Variants in ANKH observed in about 807,000 individuals in gnomAD.
The protein encoded by ANKH is ANKH inorganic pyrophosphate transport regulator, also known as mineralization regulator ANKH.
In ANKH, 15 loss-of-function variants were observed where a neutral mutation model predicts 49.0. The ratio of observed to expected loss-of-function variants is 0.31; its 90% CI spans 0.20 to 0.47. The LOEUF (loss-of-function observed/expected upper bound fraction) is 0.47. Among genes scored for constraint, ANKH ranks in the 20% least tolerant of loss-of-function variants. The pLI is 1.00. For synonymous variants in ANKH, 273 were observed against 260.0 expected (o/e 1.05, Z -0.48); for missense variants, 429 against 652.0 (o/e 0.66, Z 3.72).
chr5:14,820,817 G>C (rs886743853), intron 1 of ANKH, among the ~76,000 whole-genome samples: 11 of 152,226 alleles, frequency 7.2e-5, no homozygotes, highest in Non-Finnish European at 1.5e-4. Flanking sequence ...AGTTATTACA[G>C]CCAGGTGCAG....
Position 14,745,078 on chromosome 5 carries a change from T to C in ANKH, c.915+792A>G, listed in dbSNP as rs545185188. ...GGATAAGACAGTGTGATGCTGGCAG[T>C]GGCTGCTAGTTCTGCAGACATTCAA... On this transcript the variant is annotated intron_variant, in intron 7 of 11. Transcript: ENST00000284268. This position sits in a 1 kb window ranked among gnomAD's most constrained non-coding sequence, Gnocchi z 4.7. Among the ~76,000 whole-genome samples the C allele has an allele frequency of 1.3e-5, 2 of 152,362 alleles. No individual in the cohort carries two copies. Among genetic ancestry groups the C allele is most frequent in the Non-Finnish European group, 2.9e-5 (2 of 68,036 alleles).
chr5:14,847,795 G>C (rs1027279883), intron 1 of ANKH, among the ~76,000 whole-genome samples: 6 of 152,158 alleles, frequency 3.9e-5, no homozygotes, highest in Non-Finnish European at 8.8e-5. Flanking sequence ...GGCTTCTTAC[G>C]AGACACTAGG....
chr5:14,838,975 A>G (rs1046312394), intron 1 of ANKH, among the ~76,000 whole-genome samples: 9 of 152,098 alleles, frequency 5.9e-5, no homozygotes, highest in African/African-American at 1.9e-4. Context: ...ATGACATTAC[A>G]CTCCCTTCGA....
chr5:14,852,779 A>G (rs979147777), intron 1 of ANKH, among the ~76,000 whole-genome samples: 1 of 152,186 alleles, frequency 6.6e-6, no homozygotes, highest in African/African-American at 2.4e-5. Flanking sequence ...GGAAGAATGC[A>G]CAGTATCTTC....
Position 14,713,503 on chromosome 5 carries a change from T to A in ANKH, c.1265+41A>T. 1 of 1,612,588 alleles carries A rather than the reference T, an allele frequency of 6.2e-7. No individual in the cohort carries two copies. Among genetic ancestry groups the A allele is most frequent in the Admixed American group, 1.7e-5 (1 of 59,826 alleles). ...TAAACCTCTGGACACAGTATTGAAG[T>A]GGCAGAAGGACCCACAGCCCCAAAC... is the stretch of plus-strand genomic sequence containing the variant. On this transcript the variant is annotated intron_variant, in intron 10 of 11. Coordinates refer to ENST00000284268, the MANE Select transcript of ANKH (RefSeq NM_054027.6). The surrounding 1 kb of genome is among the most constrained non-coding windows in gnomAD (Gnocchi z 4.4).
chr5:14,767,557 GACC>G (rs1458945547), intron 2 of ANKH, among the ~76,000 whole-genome samples: 3 of 152,020 alleles, frequency 2.0e-5, no homozygotes, highest in Non-Finnish European at 4.4e-5. Flanking sequence ...TTATTTTAAT[GACC>G]ACATTTTCTT....
chr5:14,796,480 A>C (rs776325092), intron 1 of ANKH, among the ~76,000 whole-genome samples: 26 of 151,442 alleles, frequency 1.7e-4, no homozygotes, highest in East Asian at 9.6e-4. Context: ...CACCAACAAA[A>C]AAAAAAAAAA....
At chr5:14,741,244 G>A (rs183759866) in intron 8 of ANKH, 2 of 155,872 alleles carry the variant, frequency 1.3e-5, no homozygotes, top group Admixed American at 6.3e-5. Flanking sequence ...TCATAACGAA[G>A]GATGCGTGTT....
chr5:14,793,021 A>AATATATATATATAAATATATAT (rs1580072177), intron 1 of ANKH, among the ~76,000 whole-genome samples: 2 of 68,360 alleles, frequency 2.9e-5, no homozygotes, highest in South Asian at 4.4e-4. Context: ...TATATATATA[A>AATATATATATATAAATATATAT]ATATATATAT....
At chr5:14,720,378 T>C (rs139030740) in intron 8 of ANKH, among the ~76,000 whole-genome samples, 20 of 152,302 alleles carry the variant, frequency 1.3e-4, no homozygotes, top group African/African-American at 4.3e-4. Flanking sequence ...CCCTGTCATC[T>C]TTTCCCACTG....
intron 2 of ANKH, among the ~76,000 whole-genome samples, chr5:14,759,572 A>G (rs183790297): frequency 2.0e-3 from 308 of 151,658 alleles, no homozygotes; most frequent in South Asian, 4.8e-3. Flanking sequence ...CAACATAGTG[A>G]GACTCTGTTT....
intron 1 of ANKH, among the ~76,000 whole-genome samples, chr5:14,814,328 T>C (rs1295026765): frequency 6.6e-6 from 1 of 152,230 alleles, no homozygotes; most frequent in Non-Finnish European, 1.5e-5. Flanking sequence ...AGGCTGGGTG[T>C]GGTGACACAC....
At chr5:14,749,046 G>A (rs1189637438) in intron 6 of ANKH, 126 bp downstream of exon 6, 1 of 1,353,758 alleles carries the variant, frequency 7.4e-7, no homozygotes, top group African/African-American at 1.4e-5. Flanking sequence ...GCTTCCTAGT[G>A]TGACTGTCAT....
At chr5:14,768,173 G>A (rs1254784245) in intron 2 of ANKH, 1 of 152,186 alleles carries the variant, frequency 6.6e-6, no homozygotes, top group African/African-American at 2.4e-5. Flanking sequence ...TAATCTTTTG[G>A]TTCCTTTATT....
chr5:14,863,453 G>A lies in ANKH; in HGVS notation c.96+7899C>T, dbSNP rs183943554. On this transcript the variant is annotated intron_variant, in intron 1 of 11. Coordinates refer to ENST00000284268, the MANE Select transcript of ANKH (RefSeq NM_054027.6). ...CTCATTTAATAAGGTAGATAAATGT[G>A]CAGTATAGGCTAGACTTCCAACAAC... 7.4e-4 allele frequency among the ~76,000 whole-genome samples: 113 copies of A among 152,244 alleles called. 5 individuals are homozygous for A. The South Asian group carries it at 0.023, about 31-fold the overall frequency.
chr5:14,739,560 TC>T (rs774612801), intron 8 of ANKH, among the ~76,000 whole-genome samples: 1 of 152,128 alleles, frequency 6.6e-6, no homozygotes, highest in Non-Finnish European at 1.5e-5. Flanking sequence ...AGCCACAAAC[TC>T]AAATACTATG....
chr5:14,724,886 G>A (rs1737778271), intron 8 of ANKH, among the ~76,000 whole-genome samples: 4 of 152,130 alleles, frequency 2.6e-5, no homozygotes. Context: ...ACCACATTTT[G>A]AGGAACTCAC....
intron 1 of ANKH, among the ~76,000 whole-genome samples, chr5:14,841,625 C>G (rs1377072603): frequency 6.6e-6 from 1 of 152,194 alleles, no homozygotes; most frequent in Non-Finnish European, 1.5e-5. Context: ...GTGTGAAGTT[C>G]AGAGGCACCA....
intron 1 of ANKH, chr5:14,797,939 A>G (rs1217727597): frequency 1.3e-6 from 2 of 1,585,752 alleles, no homozygotes; most frequent in African/African-American, 1.3e-5. Flanking sequence ...GATGTTTTGT[A>G]TAGTCAAAGA....
Sources: allele counts gnomAD v4.1 joint callset (sites outside exome capture counted in the v4.1 genomes callset), GRCh38; gene constraint gnomAD v4.1.1; non-coding constraint Gnocchi (gnomAD v3.1); transcripts MANE v1.5; gene names NCBI Gene and HGNC (gene_info 2026-07-23, HGNC 2026-07-21).